Variants in CA10 observed in about 807,000 individuals in gnomAD.
CA10 encodes carbonic anhydrase-related protein 10.
CA10 carries 14 observed loss-of-function variants against 44.2 expected under a neutral mutation model. The ratio of observed to expected loss-of-function variants is 0.32; its 90% CI spans 0.21 to 0.50. CA10 has a LOEUF of 0.50. Ranked by LOEUF, CA10 falls within the 20% of genes least tolerant of loss-of-function variation. CA10 has a pLI of 0.99. For missense variants in CA10, 350 were observed against 409.7 expected (o/e 0.85, Z 1.26); for synonymous variants, 159 against 141.6 (o/e 1.12, Z -0.87).
intron 3 of CA10, among the ~76,000 whole-genome samples, chr17:51,883,288 T>C (rs967330518): frequency 6.6e-6 from 1 of 152,204 alleles, no homozygotes; most frequent in Admixed American, 6.5e-5. Flanking sequence ...ATCATTCTTC[T>C]CTGTGTATAC....
At chr17:51,685,961 G>T (rs1914994215) in intron 4 of CA10, among the ~76,000 whole-genome samples, 1 of 152,170 alleles carries the variant, frequency 6.6e-6, no homozygotes, top group Non-Finnish European at 1.5e-5. Context: ...CTCCAAACCT[G>T]GGGTGCCCCA....
intron 1 of CA10, among the ~76,000 whole-genome samples, chr17:52,105,463 G>A (rs904946890): frequency 1.3e-5 from 2 of 152,090 alleles, no homozygotes; most frequent in East Asian, 1.9e-4. Flanking sequence ...CACCGTGTTA[G>A]CCAGGATGGT....
At chr17:51,649,289 TCA>T (rs759218560) in intron 5 of CA10, 35 bp from the exon 6 acceptor site, 1 of 1,456,850 alleles carries the variant, frequency 6.9e-7, no homozygotes, top group Admixed American at 1.7e-5. Flanking sequence ...TGACTGGGCA[TCA>T]CTCTTGCAGG....
At chr17:51,786,975 A>G (rs1004381793) in intron 3 of CA10, among the ~76,000 whole-genome samples, 9 of 152,198 alleles carry the variant, frequency 5.9e-5, no homozygotes, top group African/African-American at 2.2e-4. Flanking sequence ...GATGTATTAT[A>G]CTGATTGATT....
intron 3 of CA10, among the ~76,000 whole-genome samples, chr17:51,795,165 G>A (rs967551038): frequency 6.6e-6 from 1 of 152,144 alleles, no homozygotes; most frequent in African/African-American, 2.4e-5. Context: ...TACAGCCCCT[G>A]CTTAGTAAAT....
intron 7 of CA10, among the ~76,000 whole-genome samples, chr17:51,634,972 C>T (rs1033408807): frequency 6.6e-6 from 1 of 152,088 alleles, no homozygotes. Flanking sequence ...CAGGCTAAGC[C>T]TTTTGGATGC....
At chr17:51,991,828 C>A (rs1370729418) in intron 2 of CA10, among the ~76,000 whole-genome samples, 4 of 151,940 alleles carry the variant, frequency 2.6e-5, no homozygotes, top group Admixed American at 6.6e-5. Context: ...TAAATAAATG[C>A]CTTTTGTTGA....
intron 3 of CA10, among the ~76,000 whole-genome samples, chr17:51,849,740 T>C (rs1479127473): frequency 6.6e-6 from 1 of 152,156 alleles, no homozygotes; most frequent in African/African-American, 2.4e-5. Context: ...TGGAAGGAAG[T>C]ACAGGTCAGA....
chr17:51,968,795 G>A (rs930125171), intron 2 of CA10, among the ~76,000 whole-genome samples: 1 of 151,828 alleles, frequency 6.6e-6, no homozygotes. Context: ...GTATTTATGT[G>A]GCAATGAAGG....
intron 2 of CA10, among the ~76,000 whole-genome samples, chr17:51,955,407 C>G (rs10514991): frequency 0.13 from 20,421 of 152,096 alleles, 1,779 homozygotes; most frequent in South Asian, 0.31. Flanking sequence ...TTTGGAAATT[C>G]AGCTTCCACT....
At chr17:52,039,236 A>G (rs1986701862) in intron 2 of CA10, among the ~76,000 whole-genome samples, 1 of 152,174 alleles carries the variant, frequency 6.6e-6, no homozygotes, top group Non-Finnish European at 1.5e-5. Context: ...TGTAGCACTG[A>G]AATCCAGGAT....
intron 2 of CA10, among the ~76,000 whole-genome samples, chr17:52,019,606 TAC>T (rs1986073222): frequency 6.6e-6 from 1 of 152,216 alleles, no homozygotes; most frequent in African/African-American, 2.4e-5. Flanking sequence ...TGCAGAAAAG[TAC>T]ACAGATGATA....
rs80046941 is a variant in CA10 at position 51,856,111 on chromosome 17, G to A, written c.279+74879C>T. Among the ~76,000 whole-genome samples, 8 of 152,286 alleles carry A rather than the reference G, an allele frequency of 5.3e-5. No homozygotes were observed. In the East Asian group the frequency reaches 1.2e-3, roughly 22 times the overall value. ...GAAAGTGAACTTTCTAATGTTTCTA[G>A]CATTCCCGACCTGTCCCCTGGACAA... is the stretch of plus-strand genomic sequence containing the variant. On this transcript the variant is annotated intron_variant, in intron 3 of 8. Transcript: ENST00000451037.
chr17:51,989,259 C>T (rs1211350947), intron 2 of CA10, among the ~76,000 whole-genome samples: 9 of 151,556 alleles, frequency 5.9e-5, no homozygotes, highest in African/African-American at 1.2e-4. Flanking sequence ...TATTTCATCA[C>T]CCAGGTATTA....
chr17:51,858,141 T>A lies in CA10; in HGVS notation c.279+72849A>T, dbSNP rs554637855. ...GAACTTCCATCAAAAATGTAAATCA[T>A]GTAAGTTTCAGAATTCTAGGTGGGC... On this transcript the variant is annotated intron_variant, in intron 3 of 8. Coordinates refer to ENST00000451037, the MANE Select transcript of CA10 (RefSeq NM_020178.5). Among the ~76,000 whole-genome samples the A allele has an allele frequency of 7.2e-5, 11 of 152,286 alleles. No homozygotes were observed. The South Asian group carries it at 2.3e-3, about 32-fold the overall frequency.
chr17:52,055,436 G>T (rs1555562481), intron 2 of CA10, among the ~76,000 whole-genome samples: 2 of 150,806 alleles, frequency 1.3e-5, no homozygotes, highest in Non-Finnish European at 3.0e-5. Flanking sequence ...ATGTGAGAAA[G>T]AATAGAAATA....
chr17:51,722,180 T>TATAATA (rs945234488), intron 4 of CA10, among the ~76,000 whole-genome samples: 1 of 152,018 alleles, frequency 6.6e-6, no homozygotes, highest in African/African-American at 2.4e-5. Context: ...TTAAAAAACA[T>TATAATA]ATAATAATAA....
chr17:51,760,143 C>T (rs1905179831), intron 3 of CA10, among the ~76,000 whole-genome samples: 1 of 152,228 alleles, frequency 6.6e-6, no homozygotes, highest in African/African-American at 2.4e-5. Flanking sequence ...GCACACAGGA[C>T]ACTGGCAGGG....
At chr17:52,051,485 A>C (rs534652266) in intron 2 of CA10, among the ~76,000 whole-genome samples, 52 of 152,134 alleles carry the variant, frequency 3.4e-4, no homozygotes, top group African/African-American at 1.2e-3. Context: ...CGGGCAAAGG[A>C]CATGAACATT....
Sources: allele counts gnomAD v4.1 joint callset (sites outside exome capture counted in the v4.1 genomes callset), GRCh38; gene constraint gnomAD v4.1.1; transcripts MANE v1.5; gene names NCBI Gene and HGNC (gene_info 2026-07-23, HGNC 2026-07-21).